Variants in GGTA1 observed in about 807,000 individuals in gnomAD.
The protein encoded by GGTA1 is glycoprotein alpha-galactosyltransferase 1 (inactive).
Under a neutral mutation model 2.6 loss-of-function variants are expected in GGTA1, and 5 were observed. The ratio of observed to expected loss-of-function variants is 1.92; its 90% CI spans 1.00 to 4.04. The LOEUF (loss-of-function observed/expected upper bound fraction) is 4.04, where lower values mean the gene tolerates loss of function less well. GGTA1 is among the 30% of genes most tolerant of loss of function. The probability of loss-of-function intolerance (pLI) is 0.00; values close to 1 mark genes in which losing one functional copy is unlikely to be tolerated. For synonymous variants in GGTA1, 17 were observed against 5.0 expected (o/e 3.38, Z -3.19); for missense variants, 50 against 16.7 (o/e 2.99, Z -3.47).
intron 5 of GGTA1, among the ~76,000 whole-genome samples, chr9:121,459,123 T>G (rs966402062): frequency 6.6e-6 from 1 of 152,182 alleles, no homozygotes; most frequent in Admixed American, 6.5e-5. Context: ...CAGAACATAT[T>G]CAGTCTTTCC....
chr9:121,475,116 A>C (rs925368396), intron 1 of GGTA1, among the ~76,000 whole-genome samples: 1 of 152,164 alleles, frequency 6.6e-6, no homozygotes, highest in African/African-American at 2.4e-5. Context: ...AACCAGCACA[A>C]GATACATGTC....
chr9:121,454,589 C>G (rs1384663704), downstream of GGTA1, among the ~76,000 whole-genome samples: 2 of 152,240 alleles, frequency 1.3e-5, no homozygotes, highest in African/African-American at 4.8e-5. Context: ...ACAAGATCTG[C>G]TGACTCTGGA....
intron 1 of GGTA1, among the ~76,000 whole-genome samples, chr9:121,483,818 GC>G (rs1828702175): frequency 6.6e-6 from 1 of 152,202 alleles, no homozygotes; most frequent in African/African-American, 2.4e-5. Context: ...TCTCCAACCT[GC>G]TTACCTCTGT....
intron 4 of GGTA1, among the ~76,000 whole-genome samples, 188 bp from the exon 5 acceptor site, chr9:121,460,407 T>C (rs2064950780): frequency 6.6e-6 from 1 of 152,202 alleles, no homozygotes; most frequent in African/African-American, 2.4e-5. Context: ...AAAGATGCAG[T>C]ACTCAACTCA....
Position 121,476,270 on chromosome 9 carries a change from C to G in GGTA1, c.-9-8339G>C, listed in dbSNP as rs1375129771. On this transcript the variant is annotated intron_variant, in intron 1 of 5. Coordinates refer to ENST00000481799, the MANE Select transcript of GGTA1 (RefSeq NM_001382585.1). This position sits in a 1 kb window ranked among gnomAD's most constrained non-coding sequence, Gnocchi z 4.6. ...GCCCTGCTCTATCCCAGGAACACGGCTCTGACCAGACCAGCTGCACCTCCA... is the reference window on the plus strand; with the variant it reads ...GCCCTGCTCTATCCCAGGAACACGGGTCTGACCAGACCAGCTGCACCTCCA... Among the ~76,000 whole-genome samples, 2 of 152,136 alleles carry G rather than the reference C, an allele frequency of 1.3e-5. No individual in the cohort carries two copies. The highest frequency in any genetic ancestry group is 2.9e-5 in the Non-Finnish European group (2 of 68,024).
chr9:121,462,169 C>CA (rs1482043315), intron 3 of GGTA1, among the ~76,000 whole-genome samples: 1 of 151,966 alleles, frequency 6.6e-6, no homozygotes, highest in Non-Finnish European at 1.5e-5. Context: ...ACCAAAAACA[C>CA]AAAAAATTAG....
chr9:121,459,506 CT>C (rs1455681552), intron 5 of GGTA1, among the ~76,000 whole-genome samples: 1 of 152,124 alleles, frequency 6.6e-6, no homozygotes, highest in Non-Finnish European at 1.5e-5. Flanking sequence ...CTGATGATAC[CT>C]CATTGCACAT....
chr9:121,458,589 T>C (rs1212201241), intron 5 of GGTA1, among the ~76,000 whole-genome samples: 2 of 151,624 alleles, frequency 1.3e-5, no homozygotes, highest in African/African-American at 4.9e-5. Context: ...ATTGTGCCAC[T>C]GCCCTCCAGC....
At chr9:121,481,577 G>A (rs1828650182) in intron 1 of GGTA1, among the ~76,000 whole-genome samples, 1 of 150,222 alleles carries the variant, frequency 6.7e-6, no homozygotes, top group South Asian at 2.1e-4. Flanking sequence ...CAGCTACTCA[G>A]GAGGCTGAGA....
chr9:121,496,755 A>AG (rs1191415217), intron 1 of GGTA1, among the ~76,000 whole-genome samples: 12 of 104,082 alleles, frequency 1.2e-4, no homozygotes, highest in Admixed American at 3.7e-4. Context: ...AAAAAAAAAA[A>AG]AAAGAGAGAG....
intron 2 of GGTA1, among the ~76,000 whole-genome samples, chr9:121,465,023 AAAC>A (rs1206965338): frequency 6.6e-6 from 1 of 151,830 alleles, no homozygotes; most frequent in Non-Finnish European, 1.5e-5. Flanking sequence ...AAAAAACAAA[AAAC>A]AACTCCTCCC....
intron 2 of GGTA1, among the ~76,000 whole-genome samples, chr9:121,466,524 T>C (rs535644269): frequency 1.3e-5 from 2 of 152,290 alleles, no homozygotes; most frequent in South Asian, 4.1e-4. Context: ...CCAGAAATGG[T>C]TACATCTGTG....
At chr9:121,487,565 A>T (rs1589337769) in intron 1 of GGTA1, among the ~76,000 whole-genome samples, 1 of 105,804 alleles carries the variant, frequency 9.5e-6, no homozygotes, top group Admixed American at 1.2e-4. Flanking sequence ...ACAGAGTGAG[A>T]CTCTGTCTCA....
At chr9:121,449,618 G>A (rs1286568476) in intron 7 of GGTA1, among the ~76,000 whole-genome samples, 2 of 152,246 alleles carry the variant, frequency 1.3e-5, no homozygotes, top group East Asian at 3.9e-4. Flanking sequence ...GAGGCGGGTG[G>A]ATCACAAGGT....
At chr9:121,490,985 G>A (rs1022869617) in intron 1 of GGTA1, among the ~76,000 whole-genome samples, 11 of 150,006 alleles carry the variant, frequency 7.3e-5, no homozygotes, top group Middle Eastern at 3.4e-3. Flanking sequence ...TGTGCACATA[G>A]AAATATTAAT....
At chr9:121,467,240 G>A (rs936696782) in intron 2 of GGTA1, among the ~76,000 whole-genome samples, 16 of 152,232 alleles carry the variant, frequency 1.1e-4, no homozygotes, top group African/African-American at 3.4e-4. Context: ...CACAGAGGTA[G>A]CTCATATATT....
At chr9:121,485,344 C>T (rs1361759440) in intron 1 of GGTA1, among the ~76,000 whole-genome samples, 1 of 152,116 alleles carries the variant, frequency 6.6e-6, no homozygotes, top group Non-Finnish European at 1.5e-5. Flanking sequence ...GAGAGTCCCC[C>T]ACCCCACTGG....
intron 1 of GGTA1, among the ~76,000 whole-genome samples, chr9:121,484,292 T>C (rs1004255500): frequency 6.6e-6 from 1 of 152,226 alleles, no homozygotes; most frequent in African/African-American, 2.4e-5. Context: ...TAGATTCACA[T>C]GGCAACAGTG....
At chr9:121,477,672 T>G (rs1394034408) in intron 1 of GGTA1, among the ~76,000 whole-genome samples, 1 of 144,800 alleles carries the variant, frequency 6.9e-6, no homozygotes, top group Non-Finnish European at 1.5e-5. Context: ...GCCTCCCAGG[T>G]TCATGCCATT....
Sources: allele counts gnomAD v4.1 joint callset (sites outside exome capture counted in the v4.1 genomes callset), GRCh38; gene constraint gnomAD v4.1.1; non-coding constraint Gnocchi (gnomAD v3.1); transcripts MANE v1.5; gene names NCBI Gene and HGNC (gene_info 2026-07-23, HGNC 2026-07-21).